The following ABHD11 variants were observed in gnomAD, a reference collection of about 807,000 sequenced individuals.
The protein encoded by ABHD11 is abhydrolase domain containing 11, also known as sn-1-specific diacylglycerol lipase ABHD11.
A neutral mutation model predicts 29.0 loss-of-function variants in ABHD11; 26 were observed. The ratio of observed to expected loss-of-function variants is 0.90; its 90% CI spans 0.66 to 1.24. The LOEUF is 1.24. Ranked by LOEUF, ABHD11 falls within the 50% of genes most tolerant of loss-of-function variation. ABHD11 has a pLI of 0.00. For missense variants in ABHD11, 381 were observed against 422.4 expected, an observed-to-expected ratio of 0.90 and a Z score of 0.86; for synonymous variants, 169 against 166.4, an observed-to-expected ratio of 1.02 and a Z score of -0.12.
intron 2 of ABHD11, 134 bp downstream of exon 2, chr7:73,738,194 C>T: frequency 7.4e-7 from 1 of 1,351,298 alleles, no homozygotes; most frequent in South Asian, 1.3e-5. Flanking sequence ...ATGGGGTTGC[C>T]GTTCAGGGTC....
chr7:73,737,119 G>A lies in ABHD11; in HGVS notation c.607-9C>T, dbSNP rs370080737. ...TGCCGCACGGCCATGTCCTGTGGGG[G>A]TGCAGCAGTTGGGGGAGGTTCCTTG... On this transcript the variant is annotated splice_polypyrimidine_tract_variant and intron_variant, in intron 4 of 5. Coordinates refer to ENST00000222800, the MANE Select transcript of ABHD11 (RefSeq NM_148912.4). 96 of 1,613,672 alleles carry A rather than the reference G, an allele frequency of 5.9e-5. No individual in the cohort carries two copies. The highest frequency in any genetic ancestry group is 1.3e-4 in the Admixed American group (8 of 60,002).
At position 73,736,178 on chromosome 7, in the gene ABHD11, CCTT is replaced by C. The variant is rs781795671; in HGVS notation, c.*378_*380del. On this transcript the variant is annotated 3_prime_UTR_variant, in exon 6 of 6. Coordinates refer to ENST00000222800, the MANE Select transcript of ABHD11 (RefSeq NM_148912.4). ...GTGCCCACACAGTGCCTGTCTGAGT[CCTT>C]CTGTGCCCAAATGTGGAGCAGGCTG... 1.0e-4 allele frequency: 46 copies of C among 459,244 alleles called. No individual in the cohort carries two copies. Among genetic ancestry groups the C allele is most frequent in the Middle Eastern group, 3.2e-4 (1 of 3,086 alleles). 28.4% of individuals were successfully genotyped at this position (459,244 alleles called of 1,614,324 possible). A position where few individuals can be genotyped will look rare whatever the true frequency, so the allele number is the denominator to read the frequency against.
chr7:73,736,859 C>G, intron 5 of ABHD11, 70 bp downstream of exon 5: 1 of 1,577,316 alleles, frequency 6.3e-7, no homozygotes, highest in African/African-American at 1.3e-5. Flanking sequence ...CAAGGCCTCC[C>G]CTGGTAGGGT....
rs1282490260 is a variant in ABHD11, at chr7:73,736,292, T to A, written c.*267A>T. On this transcript the variant is annotated 3_prime_UTR_variant, in exon 6 of 6. Coordinates refer to ENST00000222800, the MANE Select transcript of ABHD11 (RefSeq NM_148912.4). ...TCTTGCTCTGTTGCCTAGGCTGGAG[T>A]GTAGTGGTGTGATCTCGGCTCATTG... 11 of 522,388 alleles carry A rather than the reference T, an allele frequency of 2.1e-5. No individual in the cohort carries two copies. The highest frequency in any genetic ancestry group is 4.0e-5 in the Non-Finnish European group (11 of 273,298). The allele number at this position is 522,388 out of a possible 1,614,324, so 32.4% of individuals were successfully genotyped here. A position where few individuals can be genotyped will look rare whatever the true frequency, so the allele number is the denominator to read the frequency against.
chr7:73,738,363 T>C lies in ABHD11; in HGVS notation c.226A>G (p.Ile76Val). Reference protein sequence around the residue: ...LFGSKTNFNSIAKILAQQTGR... With the variant: ...LFGSKTNFNSVAKILAQQTGR... ...GTCTGCTGGGCCAAGATCTTGGCGA[T>C]GGAGTTGAAGTTAGTTTTGCTGCCG... is the stretch of plus-strand genomic sequence containing the variant. The change falls in exon 2 of 6, where the codon ATC (isoleucine) becomes GTC (valine). Residue 76 changes from isoleucine to valine, a missense_variant. Physicochemically the swap from Ile to Val is conservative, Grantham distance 29. Transcript: ENST00000222800. 1 of 1,606,334 alleles carries C rather than the reference T, an allele frequency of 6.2e-7. No individual in the cohort carries two copies. The highest frequency in any genetic ancestry group is 8.5e-7 in the Non-Finnish European group (1 of 1,175,806).
chr7:73,737,100 A>T lies in ABHD11; in HGVS notation c.617T>A (p.Val206Glu). The T allele has an allele frequency of 6.2e-7, 1 of 1,613,840 alleles. No homozygotes were observed. Among genetic ancestry groups the T allele is most frequent in the South Asian group, 1.1e-5 (1 of 91,082 alleles). Reference sequence around the variant, plus strand: ...CAGGTTAGTGAGCAGGTGCTGCCGCACGGCCATGTCCTGTGGGGGTGCAGC... The same window carrying T: ...CAGGTTAGTGAGCAGGTGCTGCCGCTCGGCCATGTCCTGTGGGGGTGCAGC... ...QLSSVIQDMAVRQHLLTNLVE... is the reference protein window; with the variant it reads ...QLSSVIQDMAERQHLLTNLVE... Residue 206 changes from valine to glutamate, a missense_variant, in exon 5 of 6, where the codon GTG becomes GAG. Val to Glu is a moderately radical substitution (Grantham distance 121, BLOSUM62 -2). Coordinates refer to ENST00000222800, the MANE Select transcript of ABHD11 (RefSeq NM_148912.4).
intron 1 of ABHD11, 30 bp downstream of exon 1, chr7:73,738,616 A>C (rs1554622929): frequency 6.3e-7 from 1 of 1,580,334 alleles, no homozygotes; most frequent in East Asian, 2.3e-5. Context: ...AGGACAGAGG[A>C]TGGCCTCCCG....
rs781874515 is a variant in ABHD11 at position 73,737,728 on chromosome 7, G to A, written c.269C>T (p.Thr90Met). ...LAQQTGRRVLTVDARNHGDSP... is the reference protein window; with the variant it reads ...LAQQTGRRVLMVDARNHGDSP... ...GTCACCGTGGTTACGAGCATCCACCGTCAGCACCTGGGGAGTGGGGTGAGA... is the reference window on the plus strand; with the variant it reads ...GTCACCGTGGTTACGAGCATCCACCATCAGCACCTGGGGAGTGGGGTGAGA... The change falls in exon 3 of 6, where the codon ACG (threonine) becomes ATG (methionine). Residue 90 changes from threonine to methionine, a missense_variant. Coordinates refer to ENST00000222800, the MANE Select transcript of ABHD11 (RefSeq NM_148912.4). 4.3e-6 allele frequency: 7 copies of A among 1,610,158 alleles called. No individual in the cohort carries two copies. The highest frequency in any genetic ancestry group is 5.9e-6 in the Non-Finnish European group (7 of 1,178,166).
chr7:73,737,993 G>A, intron 2 of ABHD11: 2 of 759,534 alleles, frequency 2.6e-6, no homozygotes, highest in South Asian at 1.5e-5. Context: ...AGAATGCCAG[G>A]AAGGAGACTC....
rs1463359595 is a variant in ABHD11 at position 73,737,754 on chromosome 7, C to T, written c.262-19G>A. 4 of 1,599,982 alleles carry T rather than the reference C, an allele frequency of 2.5e-6. No homozygotes were observed. The highest frequency in any genetic ancestry group is 1.3e-5 in the African/African-American group (1 of 74,586). ...TCAGCACCTGGGGAGTGGGGTGAGA[C>T]GGGGCTGCGTTGATATCCCCATTCT... On this transcript the variant is annotated intron_variant, in intron 2 of 5. Coordinates refer to ENST00000222800, the MANE Select transcript of ABHD11 (RefSeq NM_148912.4).
intron 1 of ABHD11, 48 bp from the exon 2 acceptor site, chr7:73,738,511 G>GA (rs1800207251): frequency 6.3e-7 from 1 of 1,587,046 alleles, no homozygotes; most frequent in East Asian, 2.3e-5. Context: ...CGGAGACGGG[G>GA]AAAGGGGTAG....
chr7:73,737,023 G>C lies in ABHD11; in HGVS notation c.694C>G (p.Gln232Glu). 6.2e-7 allele frequency: 1 copy of C among 1,614,096 alleles called. No individual in the cohort carries two copies. Among genetic ancestry groups the C allele is most frequent in the South Asian group, 1.1e-5 (1 of 91,088 alleles). Residue 232 changes from glutamine to glutamate, a missense_variant, in exon 5 of 6, where the codon CAG (glutamine) becomes GAG (glutamate). Gln to Glu is a conservative substitution (Grantham distance 29). Transcript: ENST00000222800. Reference sequence around the variant, plus strand: ...AAAGCCAAGATCTTGTCTAGGTGCTGGGTCAGGGCATCCAAGTTCACCCTC... The same window carrying C: ...AAAGCCAAGATCTTGTCTAGGTGCTCGGTCAGGGCATCCAAGTTCACCCTC... The part of the protein sequence containing the change: ...VWRVNLDALT[Q>E]HLDKILAFPQ...
At position 73,738,443 on chromosome 7, in the gene ABHD11, C is replaced by A. The variant is rs782164719; in HGVS notation, c.146G>T (p.Arg49Met). The change falls in exon 2 of 6, where the codon AGG becomes ATG. Residue 49 changes from arginine to methionine, a missense_variant. Arg to Met is a moderately conservative substitution (Grantham distance 91, BLOSUM62 -1). Coordinates refer to ENST00000222800, the MANE Select transcript of ABHD11 (RefSeq NM_148912.4). Reference sequence around the variant, plus strand: ...GAGGGCTGCCTCCCCGTCCAGAAGCCTGTAGGAAAGCGGAAGCGGCCTGGC... The same window carrying A: ...GAGGGCTGCCTCCCCGTCCAGAAGCATGTAGGAAAGCGGAAGCGGCCTGGC... ...AEPRPLPLSY[R>M]LLDGEAALPA... 1 of 1,611,254 alleles carries A rather than the reference C, an allele frequency of 6.2e-7. No individual in the cohort carries two copies. Among genetic ancestry groups the A allele is most frequent in the South Asian group, 1.1e-5 (1 of 90,616 alleles).
At chr7:73,737,785 T>C (rs782072156) in intron 2 of ABHD11, 50 bp from the exon 3 acceptor site, 1 of 1,573,644 alleles carries the variant, frequency 6.4e-7, no homozygotes, top group African/African-American at 1.4e-5. Flanking sequence ...ATTCTGGGGG[T>C]AGACAGCCAA....
In ABHD11 at chr7:73,736,172, CTG is replaced by C; in HGVS notation, c.*385_*386del. The C allele has an allele frequency of 2.2e-6, 1 of 458,794 alleles. No homozygotes were observed. Among genetic ancestry groups the C allele is most frequent in the South Asian group, 1.5e-5 (1 of 64,598 alleles). 28.4% of individuals were successfully genotyped at this position (458,794 alleles called of 1,614,324 possible). A position where few individuals can be genotyped will look rare whatever the true frequency, so the allele number is the denominator to read the frequency against. On this transcript the variant is annotated 3_prime_UTR_variant, in exon 6 of 6. Coordinates refer to ENST00000222800, the MANE Select transcript of ABHD11 (RefSeq NM_148912.4). ...AACCTCGTGCCCACACAGTGCCTGT[CTG>C]AGTCCTTCTGTGCCCAAATGTGGAG... is the stretch of plus-strand genomic sequence containing the variant.
intron 2 of ABHD11, 22 bp downstream of exon 2, chr7:73,738,306 C>A (rs1356745936): frequency 1.9e-6 from 3 of 1,551,828 alleles, no homozygotes; most frequent in Non-Finnish European, 1.8e-6. Flanking sequence ...CCCAAAGGAG[C>A]CCCGCCCACT....
At chr7:73,737,486 T>A in intron 3 of ABHD11, 76 bp downstream of exon 3, 1 of 1,561,382 alleles carries the variant, frequency 6.4e-7, no homozygotes, top group South Asian at 1.2e-5. Context: ...CCAACGATCA[T>A]GTGAGTCCCA....
intron 1 of ABHD11, 41 bp from the exon 2 acceptor site, chr7:73,738,504 A>G (rs1208055118): frequency 1.1e-5 from 18 of 1,590,954 alleles, no homozygotes; most frequent in African/African-American, 2.7e-5. Context: ...GAGCCGGCGG[A>G]GACGGGGAAA....
At chr7:73,738,561 G>A in intron 1 of ABHD11, 85 bp downstream of exon 1, 2 of 1,564,616 alleles carry the variant, frequency 1.3e-6, no homozygotes, top group South Asian at 2.3e-5. Flanking sequence ...GAGGTGACAG[G>A]CCCAAAGGGA....
Sources: allele counts gnomAD v4.1 joint callset, GRCh38; gene constraint gnomAD v4.1.1; transcripts MANE v1.5; gene names NCBI Gene and HGNC (gene_info 2026-07-23, HGNC 2026-07-21).